The following PRAG1 variants were observed in gnomAD, a reference collection of about 807,000 sequenced individuals.
PRAG1 encodes PEAK1 related, kinase-activating pseudokinase 1.
In PRAG1, 110 loss-of-function variants were observed where a neutral mutation model predicts 95.6. That is an observed-to-expected ratio of 1.15 (90% CI 0.99 to 1.35). The LOEUF (loss-of-function observed/expected upper bound fraction) is 1.35, where lower values mean the gene tolerates loss of function less well. Among genes scored for constraint, PRAG1 ranks in the 40% most tolerant of loss-of-function variants. The probability of loss-of-function intolerance (pLI) is 0.00; values close to 1 mark genes in which losing one functional copy is unlikely to be tolerated. For synonymous variants in PRAG1, 1,052 were observed against 819.4 expected (o/e 1.28, Z -4.85); for missense variants, 2,554 against 1,864.7 (o/e 1.37, Z -6.81).
intron 4 of PRAG1, among the ~76,000 whole-genome samples, chr8:8,331,846 C>G (rs1798829312): frequency 6.6e-6 from 1 of 152,202 alleles, no homozygotes; most frequent in Non-Finnish European, 1.5e-5. Flanking sequence ...CAGATCTACA[C>G]CGTATCACTA....
intron 3 of PRAG1, among the ~76,000 whole-genome samples, chr8:8,364,879 G>T (rs1229975392): frequency 6.6e-6 from 1 of 152,026 alleles, no homozygotes; most frequent in Admixed American, 6.6e-5. Flanking sequence ...TCTTTCTCAG[G>T]TTTCTGCTTT....
intron 3 of PRAG1, among the ~76,000 whole-genome samples, chr8:8,373,054 T>A (rs1440748185): frequency 6.6e-6 from 1 of 152,220 alleles, no homozygotes; most frequent in African/African-American, 2.4e-5. Context: ...GAAATCAGGT[T>A]GACCTTGTAT....
At position 8,377,150 on chromosome 8, in the gene PRAG1, T is replaced by C. The variant is rs757736963; in HGVS notation, c.1259A>G (p.Lys420Arg). ...CTTGGAAGGCACCGGAGCTGCCTTC[T>C]TCCTCTTGGTGCTCTCAGCATAGAT... ...EPIYAESTKRKKAAPVPSKSQ... is the reference protein window; with the variant it reads ...EPIYAESTKRRKAAPVPSKSQ... Residue 420 changes from lysine (K) to arginine (R), a missense_variant, in exon 3 of 6, where the codon AAG becomes AGG. Coordinates refer to ENST00000615670, the MANE Select transcript of PRAG1 (RefSeq NM_001080826.3). The C allele has an allele frequency of 3.7e-6, 6 of 1,612,134 alleles. No homozygotes were observed. In the African/African-American group the frequency reaches 8.0e-5, roughly 22 times the overall value.
intron 5 of PRAG1, 25 bp from the exon 6 acceptor site, chr8:8,319,327 T>A: frequency 6.7e-7 from 1 of 1,484,330 alleles, no homozygotes; most frequent in South Asian, 1.4e-5. Context: ...AGAAGTGAAA[T>A]CAAGAGTGGG....
At position 8,377,521 on chromosome 8, in the gene PRAG1, C is replaced by A. The variant is rs202099106; in HGVS notation, c.888G>T (p.Gly296=). The change falls in exon 3 of 6, where the codon GGG becomes GGT. Residue 296 remains glycine (G), a synonymous_variant. Transcript: ENST00000615670. The part of the protein sequence containing the change: ...PTCWEQGKCS[G]PAEQEKRGPS... ...GGCCCCGCTTCTCCTGCTCTGCGGG[C>A]CCGGAACACTTCCCCTGCTCCCAGC... is the stretch of plus-strand genomic sequence containing the variant. 4.1e-5 allele frequency: 65 copies of A among 1,576,600 alleles called. No individual in the cohort carries two copies. The East Asian group carries it at 1.4e-3, about 34-fold the overall frequency.
chr8:8,353,895 A>T (rs1162790130), intron 3 of PRAG1, among the ~76,000 whole-genome samples: 2 of 152,024 alleles, frequency 1.3e-5, no homozygotes, highest in Non-Finnish European at 2.9e-5. Flanking sequence ...GAAGAGGAAG[A>T]CCACCCATTG....
In PRAG1 at chr8:8,327,903, G is replaced by C. The variant is rs940526540; in HGVS notation, c.2879C>G (p.Thr960Ser). 1 of 1,614,202 alleles carries C rather than the reference G, an allele frequency of 6.2e-7. No individual in the cohort carries two copies. Among genetic ancestry groups the C allele is most frequent in the African/African-American group, 1.3e-5 (1 of 75,066 alleles). The change falls in exon 5 of 6, where the codon ACC (threonine) becomes AGC (serine). Residue 960 changes from threonine (T) to serine (S), a missense_variant. By Grantham distance (58) the Thr-to-Ser change is moderately conservative. Coordinates refer to ENST00000615670, the MANE Select transcript of PRAG1 (RefSeq NM_001080826.3). ...GTYAKLGGLY[T>S]QSLARLVAKC... is the part of the protein sequence containing the mutation. ...GGCTACAAGGCGGGCCAGGGACTGG[G>C]TGTAGAGTCCCCCCAGCTTGGCATA...
At chr8:8,345,067 G>A (rs192313911) in intron 3 of PRAG1, among the ~76,000 whole-genome samples, 1 of 146,140 alleles carries the variant, frequency 6.8e-6, no homozygotes, top group African/African-American at 2.7e-5. Context: ...GTGTGTGTGT[G>A]TGTGTGTGTG....
chr8:8,378,626 G>A (rs1220511040), intron 2 of PRAG1, among the ~76,000 whole-genome samples: 1 of 152,112 alleles, frequency 6.6e-6, no homozygotes, highest in African/African-American at 2.4e-5. Flanking sequence ...ATGGTGGGCC[G>A]AGGAGGGCAG....
chr8:8,370,514 C>T (rs2976972), intron 3 of PRAG1, among the ~76,000 whole-genome samples: 81,298 of 152,060 alleles, frequency 0.53, 22,528 homozygotes, highest in East Asian at 0.75. Context: ...TTCAAAATGC[C>T]GCCCAGAAAA....
intron 3 of PRAG1, among the ~76,000 whole-genome samples, chr8:8,348,495 T>A (rs566043881): frequency 6.6e-6 from 1 of 152,262 alleles, no homozygotes; most frequent in South Asian, 2.1e-4. Flanking sequence ...AAACAAAGTA[T>A]CATCATTTTG....
At chr8:8,346,829 C>T (rs1799358951) in intron 3 of PRAG1, among the ~76,000 whole-genome samples, 1 of 152,162 alleles carries the variant, frequency 6.6e-6, no homozygotes, top group Non-Finnish European at 1.5e-5. Context: ...TTGTTTGGTT[C>T]ACATACATTT....
chr8:8,359,202 C>A (rs545441124), intron 3 of PRAG1, among the ~76,000 whole-genome samples: 1 of 152,176 alleles, frequency 6.6e-6, no homozygotes. Flanking sequence ...TATAGTTTTT[C>A]CTCTTCAAAC....
At chr8:8,340,387 TCTCCTTCCCACTTTCCA>T (rs1338932957) in intron 3 of PRAG1, among the ~76,000 whole-genome samples, 1 of 152,206 alleles carries the variant, frequency 6.6e-6, no homozygotes, top group East Asian at 1.9e-4. Flanking sequence ...CTTATTGATT[TCTCCTTCCCACTTTCCA>T]AGGGCCACAT....
intron 1 of PRAG1, 77 bp from the exon 2 acceptor site, chr8:8,381,911 T>C (rs1291970648): frequency 3.5e-6 from 2 of 572,910 alleles, no homozygotes; most frequent in Non-Finnish European, 3.0e-6. Flanking sequence ...AGAGTCTCAC[T>C]ATTTGATCAG....
rs375594319 is a variant in PRAG1, at chr8:8,328,539, T to G, written c.2321-78A>C. 6.2e-4 allele frequency: 586 copies of G among 946,088 alleles called. 5 individuals carry two copies. In the South Asian group the frequency reaches 0.012, roughly 19 times the overall value. 58.6% of individuals were successfully genotyped at this position (946,088 alleles called of 1,614,324 possible). A position where few individuals can be genotyped will look rare whatever the true frequency, so the allele number is the denominator to read the frequency against. ...AGGGTCCTGCAGACTTGTTTCCCTT[T>G]ATTTATTTATTTATTTGGTCAGAGC... On this transcript the variant is annotated intron_variant, in intron 4 of 5. Coordinates refer to ENST00000615670, the MANE Select transcript of PRAG1 (RefSeq NM_001080826.3).
chr8:8,327,643 C>T (rs539668574), intron 5 of PRAG1, 67 bp downstream of exon 5: 4 of 1,532,610 alleles, frequency 2.6e-6, no homozygotes, highest in Non-Finnish European at 2.6e-6. Context: ...CTTGCTCAGG[C>T]CACAGTTCTG....
chr8:8,324,353 TG>T (rs1798564909), intron 5 of PRAG1, among the ~76,000 whole-genome samples: 1 of 152,162 alleles, frequency 6.6e-6, no homozygotes, highest in Non-Finnish European at 1.5e-5. Flanking sequence ...GCAGAGTAAA[TG>T]GCAACTGGGC....
chr8:8,318,048 T>A lies in PRAG1; in HGVS notation c.*106A>T. On this transcript the variant is annotated 3_prime_UTR_variant, in exon 6 of 6. Transcript: ENST00000615670. This position sits in a 1 kb window ranked among gnomAD's most constrained non-coding sequence, Gnocchi z 4.2. ...TATTTATATATTTTACATCCAGGTA[T>A]CCCAGTCATCTGTACCATTTCCCAG... is the stretch of plus-strand genomic sequence containing the variant. 1.0e-6 allele frequency: 1 copy of A among 979,198 alleles called. No individual in the cohort carries two copies. Among genetic ancestry groups the A allele is most frequent in the Non-Finnish European group, 1.5e-6 (1 of 684,648 alleles). 60.7% of individuals were successfully genotyped at this position (979,198 alleles called of 1,614,324 possible). A position where few individuals can be genotyped will look rare whatever the true frequency, so the allele number is the denominator to read the frequency against.
Sources: gnomAD v4.1 joint callset for allele counts (sites outside exome capture counted in the v4.1 genomes callset) on GRCh38, gnomAD v4.1.1 for gene constraint, Gnocchi (gnomAD v3.1) non-coding constraint, MANE v1.5 for transcripts, NCBI Gene and HGNC (gene_info 2026-07-23, HGNC 2026-07-21) for gene names.